The following MEGF10 variants were observed in gnomAD, a reference collection of about 807,000 sequenced individuals.
MEGF10 encodes multiple epidermal growth factor-like domains protein 10.
MEGF10 carries 86 observed loss-of-function variants against 147.5 expected under a neutral mutation model. The ratio of observed to expected loss-of-function variants is 0.58; its 90% CI spans 0.49 to 0.70. The LOEUF (loss-of-function observed/expected upper bound fraction) is 0.70, where lower values mean the gene tolerates loss of function less well. Among genes scored for constraint, MEGF10 ranks in the 30% least tolerant of loss-of-function variants. MEGF10 has a pLI of 0.00. For missense variants in MEGF10, 1,329 were observed against 1,487.3 expected (o/e 0.89, Z 1.75); for synonymous variants, 478 against 525.5 (o/e 0.91, Z 1.24).
intron 4 of MEGF10, among the ~76,000 whole-genome samples, chr5:127,342,339 C>T (rs145869715): frequency 2.5e-3 from 374 of 152,268 alleles, no homozygotes; most frequent in African/African-American, 8.6e-3. Flanking sequence ...GCACAACCAT[C>T]AACATACCAA....
the MEGF10 span, among the ~76,000 whole-genome samples, chr5:127,266,039 T>C: frequency 3.0e-4 from 46 of 152,236 alleles, no homozygotes; most frequent in African/African-American, 1.1e-3. Flanking sequence ...TCTTCTAGGT[T>C]TTTTATGGTT....
chr5:127,395,812 G>A (rs1471272781), intron 5 of MEGF10, among the ~76,000 whole-genome samples: 4 of 152,046 alleles, frequency 2.6e-5, no homozygotes, highest in Admixed American at 2.6e-4. Flanking sequence ...CCAAAGTGCT[G>A]GGATTACAGG....
At chr5:127,448,535 AT>A (rs932648799) in intron 21 of MEGF10, among the ~76,000 whole-genome samples, 3 of 152,230 alleles carry the variant, frequency 2.0e-5, no homozygotes, top group African/African-American at 7.2e-5. Flanking sequence ...TAGAAAAAAA[AT>A]CAAGCTAATT....
intron 1 of MEGF10, among the ~76,000 whole-genome samples, chr5:127,298,352 C>G (rs1759606335): frequency 6.6e-6 from 1 of 152,200 alleles, no homozygotes; most frequent in East Asian, 1.9e-4. Context: ...TCCCCCAACA[C>G]TAAGATTTGA....
At chr5:127,428,992 A>G (rs1765303430) in intron 13 of MEGF10, among the ~76,000 whole-genome samples, 1 of 152,210 alleles carries the variant, frequency 6.6e-6, no homozygotes, top group South Asian at 2.1e-4. Context: ...GGAGGCTATC[A>G]AAGAGCTCTT....
At chr5:127,349,674 A>G (rs1182154562) in intron 4 of MEGF10, among the ~76,000 whole-genome samples, 1 of 139,486 alleles carries the variant, frequency 7.2e-6, no homozygotes, top group Non-Finnish European at 1.6e-5. Context: ...AGCATGGGAC[A>G]GGACTTCCTT....
intron 17 of MEGF10, among the ~76,000 whole-genome samples, chr5:127,440,210 T>C (rs1765705028): frequency 6.6e-6 from 1 of 152,184 alleles, no homozygotes; most frequent in Admixed American, 6.5e-5. Flanking sequence ...TGAAGTACAA[T>C]TGTTTTTTAA....
chr5:127,455,721 C>T, intron 24 of MEGF10, 114 bp downstream of exon 24: 3 of 775,226 alleles, frequency 3.9e-6, no homozygotes, highest in Non-Finnish European at 5.9e-6. Flanking sequence ...AAATAATGGT[C>T]CGTATTTTAT....
the MEGF10 span, among the ~76,000 whole-genome samples, chr5:127,261,120 T>C: frequency 6.6e-6 from 1 of 152,222 alleles, no homozygotes; most frequent in Non-Finnish European, 1.5e-5. Context: ...TACAATCCAA[T>C]CATTTAAAAT....
intron 4 of MEGF10, among the ~76,000 whole-genome samples, chr5:127,343,745 A>T (rs943908800): frequency 6.6e-6 from 1 of 152,046 alleles, no homozygotes; most frequent in Admixed American, 6.6e-5. Flanking sequence ...GAGCCCAGGC[A>T]TTCGAGACCA....
rs1173371889 is a variant in MEGF10 at position 127,290,805 on chromosome 5, A to C, written c.-270A>C. On this transcript the variant is annotated 5_prime_UTR_variant, in exon 1 of 25. Coordinates refer to ENST00000503335, the MANE Select transcript of MEGF10 (RefSeq NM_001256545.2). ...TCCAGCATCTCGGGCCAGACAGAGA[A>C]AACCTTGTTCAAGTTTGCAGCAAGT... 2 of 152,162 alleles carry C rather than the reference A, an allele frequency of 1.3e-5. No individual in the cohort carries two copies. The highest frequency in any genetic ancestry group is 2.4e-5 in the African/African-American group (1 of 41,420). The allele number at this position is 152,162 out of a possible 1,614,324, so 9.4% of individuals were successfully genotyped here.
intron 8 of MEGF10, among the ~76,000 whole-genome samples, chr5:127,409,154 A>G (rs929525947): frequency 6.6e-6 from 1 of 152,212 alleles, no homozygotes; most frequent in Non-Finnish European, 1.5e-5. Flanking sequence ...GTTGCACCCT[A>G]TCATTAAAAA....
chr5:127,315,017 A>C (rs1760463032), intron 1 of MEGF10, among the ~76,000 whole-genome samples: 1 of 152,128 alleles, frequency 6.6e-6, no homozygotes, highest in African/African-American at 2.4e-5. Context: ...TGAATCTTAA[A>C]AAAAAGGAGC....
At chr5:127,296,480 C>A (rs1269033433) in intron 1 of MEGF10, among the ~76,000 whole-genome samples, 1 of 152,188 alleles carries the variant, frequency 6.6e-6, no homozygotes, top group African/African-American at 2.4e-5. Context: ...GTATGGAAAA[C>A]CTCATCTTGA....
rs1225896990 is a variant in MEGF10 at position 127,460,640 on chromosome 5, T to C, written c.*3322T>C. ...TATTGAGATTTTTAAATGGTAAATA[T>C]TGCAAAAGTTAAACAAGGGTACCAC... On this transcript the variant is annotated 3_prime_UTR_variant, in exon 25 of 25. Transcript: ENST00000503335. The C allele has an allele frequency of 2.0e-5, 3 of 152,186 alleles. No individual in the cohort carries two copies. The highest frequency in any genetic ancestry group is 6.6e-5 in the Admixed American group (1 of 15,266). 9.4% of individuals were successfully genotyped at this position (152,186 alleles called of 1,614,324 possible).
In MEGF10 at chr5:127,460,426, T is replaced by C. The variant is rs756698666; in HGVS notation, c.*3108T>C. On this transcript the variant is annotated 3_prime_UTR_variant, in exon 25 of 25. Coordinates refer to ENST00000503335, the MANE Select transcript of MEGF10 (RefSeq NM_001256545.2). ...AATGTTAACAGAGAGTTTAATATGTTTAGCATTATCTTTATGGAATTTATA... is the reference window on the plus strand; with the variant it reads ...AATGTTAACAGAGAGTTTAATATGTCTAGCATTATCTTTATGGAATTTATA... 3.9e-5 allele frequency: 6 copies of C among 152,184 alleles called. No homozygotes were observed. The highest frequency in any genetic ancestry group is 8.8e-5 in the Non-Finnish European group (6 of 68,006). The allele number at this position is 152,184 out of a possible 1,614,324, so 9.4% of individuals were successfully genotyped here.
the MEGF10 span, among the ~76,000 whole-genome samples, chr5:127,253,809 C>T: frequency 6.6e-6 from 1 of 152,044 alleles, no homozygotes; most frequent in East Asian, 1.9e-4. Context: ...GAAGTCTCAA[C>T]CATGTTTCTA....
chr5:127,432,555 G>T (rs1037722508), intron 13 of MEGF10, among the ~76,000 whole-genome samples: 1 of 152,122 alleles, frequency 6.6e-6, no homozygotes, highest in African/African-American at 2.4e-5. Flanking sequence ...ATTCTGGCAA[G>T]AAAGAGGCCC....
At chr5:127,307,228 A>G (rs2546085) in intron 1 of MEGF10, among the ~76,000 whole-genome samples, 100,352 of 152,000 alleles carry the variant, frequency 0.66, 33,499 homozygotes, top group Middle Eastern at 0.8. Flanking sequence ...AGACACCTGA[A>G]AAAACTCTTC....
Sources: allele counts gnomAD v4.1 joint callset (sites outside exome capture counted in the v4.1 genomes callset), GRCh38; gene constraint gnomAD v4.1.1; transcripts MANE v1.5; gene names NCBI Gene and HGNC (gene_info 2026-07-23, HGNC 2026-07-21).